Variants in TRPM8 observed in about 807,000 individuals in gnomAD.
TRPM8 encodes transient receptor potential cation channel subfamily M member 8.
In TRPM8, 110 loss-of-function variants were observed where a neutral mutation model predicts 133.7. The observed-to-expected ratio is 0.82, with a 90% CI of 0.70 to 0.96. The LOEUF (loss-of-function observed/expected upper bound fraction) is 0.96, where lower values mean the gene tolerates loss of function less well. Among genes scored for constraint, TRPM8 ranks in the 40% least tolerant of loss-of-function variants. The pLI is 0.00. For missense variants in TRPM8, 1,291 were observed against 1,379.5 expected (o/e 0.94, Z 1.02); for synonymous variants, 535 against 532.3 (o/e 1.01, Z -0.07).
intron 22 of TRPM8, among the ~76,000 whole-genome samples, chr2:234,003,725 G>A (rs1286748670): frequency 6.6e-6 from 1 of 152,192 alleles, no homozygotes; most frequent in African/African-American, 2.4e-5. Context: ...TCAGTACAAA[G>A]AACAATGTCT....
Position 233,994,710 on chromosome 2 carries a change from T to C in TRPM8, c.2940-1616T>C, listed in dbSNP as rs28902228. ...CCGACATTTTTTTTTGCTTAAGATA[T>C]TTAAGTCTAATGTAATGTACTAAGG... On this transcript the variant is annotated intron_variant, in intron 21 of 25. Coordinates refer to ENST00000324695, the MANE Select transcript of TRPM8 (RefSeq NM_024080.5). Among the ~76,000 whole-genome samples the C allele has an allele frequency of 4.5e-3, 682 of 152,288 alleles. 7 individuals are homozygous for C. Among genetic ancestry groups the C allele is most frequent in the African/African-American group, 0.016 (651 of 41,566 alleles).
At position 234,018,861 on chromosome 2, in the gene TRPM8, T is replaced by TAAATAAAG. The variant is rs1447540627; in HGVS notation, c.*1612_*1613insGAAATAAA. The TAAATAAAG allele has an allele frequency of 6.6e-6, 1 of 150,596 alleles. No individual in the cohort carries two copies. Among genetic ancestry groups the TAAATAAAG allele is most frequent in the African/African-American group, 2.4e-5 (1 of 41,002 alleles). 9.3% of individuals were successfully genotyped at this position (150,596 alleles called of 1,614,324 possible). A position where few individuals can be genotyped will look rare whatever the true frequency, so the allele number is the denominator to read the frequency against. The stretch of plus-strand genomic sequence containing the variant: ...CTCCGACTGAAAATAAATAAATAAA[T>TAAATAAAG]AAATAAATAAATAAATAAATATTAT... On this transcript the variant is annotated 3_prime_UTR_variant, in exon 26 of 26. Coordinates refer to ENST00000324695, the MANE Select transcript of TRPM8 (RefSeq NM_024080.5).
chr2:233,969,115 T>TATTGAA (rs1194232296), intron 15 of TRPM8, among the ~76,000 whole-genome samples: 1 of 152,122 alleles, frequency 6.6e-6, no homozygotes, highest in African/African-American at 2.4e-5. Flanking sequence ...TTCCTAGGTT[T>TATTGAA]ATTGAATTTG....
In TRPM8 at chr2:233,942,654, G is replaced by T; in HGVS notation, c.605G>T (p.Ser202Ile). 2 of 1,614,220 alleles carry T rather than the reference G, an allele frequency of 1.2e-6. No individual in the cohort carries two copies. Among genetic ancestry groups the T allele is most frequent in the Non-Finnish European group, 8.5e-7 (1 of 1,180,046 alleles). Residue 202 changes from serine (S) to isoleucine (I), a missense_variant, in exon 6 of 26, where the codon AGC becomes ATC. Around this residue, in one of 2 missense-constraint regions of TRPM8, gnomAD observed 963 missense variants for 968.9 expected, o/e 0.99. Coordinates refer to ENST00000324695, the MANE Select transcript of TRPM8 (RefSeq NM_024080.5). ...GAGGTGGTGAGAGATAACACCATCA[G>T]CAGGAGTTCAGAGGAGAATATTGTG... ...IGEVVRDNTI[S>I]RSSEENIVAI...
intron 24 of TRPM8, among the ~76,000 whole-genome samples, chr2:234,011,746 G>T (rs574111052): frequency 2.6e-5 from 4 of 151,726 alleles, no homozygotes; most frequent in Non-Finnish European, 2.9e-5. Flanking sequence ...GGGAAACCCC[G>T]TCTCTACTAA....
At chr2:233,942,512 T>G in intron 5 of TRPM8, 64 bp from the exon 6 acceptor site, 1 of 1,559,728 alleles carries the variant, frequency 6.4e-7, no homozygotes, top group Non-Finnish European at 8.8e-7. Context: ...TAGGGGTCTG[T>G]GAGCCCAGAA....
At chr2:233,950,453 A>C (rs1284684335) in intron 9 of TRPM8, among the ~76,000 whole-genome samples, 1 of 152,234 alleles carries the variant, frequency 6.6e-6, no homozygotes, top group Non-Finnish European at 1.5e-5. Context: ...AGAGAGAGAG[A>C]CACAAGAATC....
At chr2:233,950,403 G>A (rs1691146876) in intron 9 of TRPM8, among the ~76,000 whole-genome samples, 3 of 152,212 alleles carry the variant, frequency 2.0e-5, no homozygotes, top group Admixed American at 2.0e-4. Context: ...TTATATCAAT[G>A]TTCTTACTGG....
At chr2:233,919,155 C>A (rs3078193) in intron 1 of TRPM8, among the ~76,000 whole-genome samples, 34,597 of 151,444 alleles carry the variant, frequency 0.23, 6,765 homozygotes, top group African/African-American at 0.54. Flanking sequence ...ACTTATAAAA[C>A]ATGCCAGAAG....
chr2:233,957,111 C>T (rs550164281), intron 11 of TRPM8, among the ~76,000 whole-genome samples: 1 of 152,194 alleles, frequency 6.6e-6, no homozygotes, highest in Admixed American at 6.5e-5. Flanking sequence ...ATGTTAGAGC[C>T]AGCTTGTATT....
At chr2:233,935,839 T>C (rs942219867) in intron 3 of TRPM8, among the ~76,000 whole-genome samples, 36 of 152,048 alleles carry the variant, frequency 2.4e-4, no homozygotes, top group African/African-American at 8.5e-4. Flanking sequence ...GAGTTGTTTT[T>C]GGCTAAATGG....
rs111991806 is a variant in TRPM8, at chr2:233,943,972, GT to G, written c.699+1233del. 4.9e-3 allele frequency among the ~76,000 whole-genome samples: 741 copies of G among 151,114 alleles called. 8 individuals are homozygous for G. The highest frequency in any genetic ancestry group is 0.017 in the African/African-American group (711 of 41,256). ...TAAGGGGCAGGGGAGAGTGGGAGGT[GT>G]TTTTTTTTGTGCATCTTCAAGGAGG... On this transcript the variant is annotated intron_variant, in intron 6 of 25. Transcript: ENST00000324695.
chr2:233,949,281 AT>A (rs986159083), intron 8 of TRPM8, among the ~76,000 whole-genome samples: 31 of 152,074 alleles, frequency 2.0e-4, no homozygotes, highest in Admixed American at 3.9e-4. Context: ...GTGCTTTTCA[AT>A]TTTTTTTGTA....
At position 233,981,789 on chromosome 2, in the gene TRPM8, T is replaced by A; in HGVS notation, c.2463T>A (p.Asn821Lys). 6 of 1,611,614 alleles carry A rather than the reference T, an allele frequency of 3.7e-6. No individual in the cohort carries two copies. The highest frequency in any genetic ancestry group is 5.1e-6 in the Non-Finnish European group (6 of 1,179,226). The change falls in exon 19 of 26, where the codon AAT becomes AAA. Residue 821 changes from asparagine to lysine, a missense_variant. Transcript: ENST00000324695. ...AGIVFRLHSS[N>K]KSSLYSGRVI... The stretch of plus-strand genomic sequence containing the variant: ...TTCCCCCTAGGCTCCACTCTTCTAA[T>A]AAAAGCTCTTTGTATTCTGGACGAG...
chr2:233,966,564 T>C, intron 14 of TRPM8, 46 bp from the exon 15 acceptor site: 2 of 1,611,240 alleles, frequency 1.2e-6, no homozygotes, highest in Non-Finnish European at 1.7e-6. Context: ...GTTTCGGTCA[T>C]GTGCAGCTCT....
rs1693032576 is a variant in TRPM8 at position 234,019,191 on chromosome 2, T to G, written c.*1935T>G. 6.6e-6 allele frequency: 1 copy of G among 152,178 alleles called. No homozygotes were observed. Among genetic ancestry groups the G allele is most frequent in the Non-Finnish European group, 1.5e-5 (1 of 68,032 alleles). The allele number at this position is 152,178 out of a possible 1,614,324, so 9.4% of individuals were successfully genotyped here. A position where few individuals can be genotyped will look rare whatever the true frequency, so the allele number is the denominator to read the frequency against. ...CAACATTCACTATGTTTGCAAGGAATTAACACAAATAAAAGATGCCTTTTT... is the reference window on the plus strand; with the variant it reads ...CAACATTCACTATGTTTGCAAGGAAGTAACACAAATAAAAGATGCCTTTTT... On this transcript the variant is annotated 3_prime_UTR_variant, in exon 26 of 26. Transcript: ENST00000324695.
intron 18 of TRPM8, among the ~76,000 whole-genome samples, chr2:233,981,136 A>T (rs1574756304): frequency 6.6e-6 from 1 of 152,346 alleles, no homozygotes; most frequent in African/African-American, 2.4e-5. Flanking sequence ...TCATATTTAC[A>T]CTTATACAGA....
Position 234,014,654 on chromosome 2 carries a change from G to T in TRPM8, c.*42G>T. 2 of 1,130,596 alleles carry T rather than the reference G, an allele frequency of 1.8e-6. No individual in the cohort carries two copies. The highest frequency in any genetic ancestry group is 2.7e-5 in the East Asian group (1 of 36,490). The allele number at this position is 1,130,596 out of a possible 1,614,324, so 70.0% of individuals were successfully genotyped here. ...ATGGAGAAAAATCTAATTATAGCAA[G>T]GTGAGTCATTCTAATAGCTTTTTAC... On this transcript the variant is annotated splice_region_variant and 3_prime_UTR_variant, in exon 25 of 26. Coordinates refer to ENST00000324695, the MANE Select transcript of TRPM8 (RefSeq NM_024080.5).
At chr2:233,962,963 CAG>C (rs900031216) in intron 12 of TRPM8, among the ~76,000 whole-genome samples, 1 of 152,148 alleles carries the variant, frequency 6.6e-6, no homozygotes, top group African/African-American at 2.4e-5. Flanking sequence ...AGAAGAGAAA[CAG>C]AGTTATATGA....
Sources: gnomAD v4.1 joint callset for allele counts (sites outside exome capture counted in the v4.1 genomes callset) on GRCh38, gnomAD v4.1.1 for gene constraint, gnomAD v4.1.1 regional missense constraint, MANE v1.5 for transcripts, NCBI Gene and HGNC (gene_info 2026-07-23, HGNC 2026-07-21) for gene names.